NRG3: variants seen among roughly 807,000 people sequenced by gnomAD.
The protein encoded by NRG3 is neuregulin 3.
Under a neutral mutation model 66.9 loss-of-function variants are expected in NRG3, and 31 were observed. The observed-to-expected ratio is 0.46, with a 90% CI of 0.35 to 0.63. The LOEUF is 0.63. NRG3 is among the 20% of genes least tolerant of loss of function. The pLI is 0.00. For synonymous variants in NRG3, 393 were observed against 359.4 expected, an observed-to-expected ratio of 1.09 and a Z score of -1.06; for missense variants, 910 against 878.9, an observed-to-expected ratio of 1.04 and a Z score of -0.45.
chr10:82,656,524 CT>C (rs2051877615), intron 2 of NRG3, among the ~76,000 whole-genome samples: 1 of 151,978 alleles, frequency 6.6e-6, no homozygotes, highest in Non-Finnish European at 1.5e-5. Context: ...TTTACATATC[CT>C]TTCCTTTTCC....
At chr10:82,781,795 A>C (rs2060127346) in intron 3 of NRG3, among the ~76,000 whole-genome samples, 1 of 152,078 alleles carries the variant, frequency 6.6e-6, no homozygotes, top group Non-Finnish European at 1.5e-5. Flanking sequence ...AAGAGTGTGT[A>C]GTAGTCAATA....
chr10:82,859,472 G>C (rs913304633), intron 3 of NRG3, among the ~76,000 whole-genome samples: 1 of 152,124 alleles, frequency 6.6e-6, no homozygotes, highest in African/African-American at 2.4e-5. Flanking sequence ...ACAAGTTAAA[G>C]GTGGCATCCT....
intron 4 of NRG3, among the ~76,000 whole-genome samples, chr10:82,912,050 G>T (rs1337964618): frequency 1.3e-5 from 2 of 151,952 alleles, no homozygotes; most frequent in African/African-American, 4.8e-5. Context: ...TACTTTGTAT[G>T]ATTTATATAA....
intron 2 of NRG3, among the ~76,000 whole-genome samples, chr10:82,517,024 A>T (rs553086087): frequency 9.0e-4 from 137 of 152,272 alleles, no homozygotes; most frequent in East Asian, 3.7e-3. Context: ...TAATTTTTTT[A>T]AAAAAATGGG....
chr10:82,860,522 G>T (rs1564575604), intron 3 of NRG3, among the ~76,000 whole-genome samples: 1 of 152,166 alleles, frequency 6.6e-6, no homozygotes. Context: ...GAGAAAGTTA[G>T]TTCCCCTCTC....
At chr10:82,918,756 C>T (rs492203) in intron 4 of NRG3, among the ~76,000 whole-genome samples, 97,262 of 152,064 alleles carry the variant, frequency 0.64, 31,340 homozygotes, top group East Asian at 0.75. Context: ...GGGATTCCTT[C>T]CCATGATTAC....
At chr10:81,877,115 T>C (rs1249899710) in intron 1 of NRG3, among the ~76,000 whole-genome samples, 1 of 152,206 alleles carries the variant, frequency 6.6e-6, no homozygotes, top group Non-Finnish European at 1.5e-5. Context: ...CAACCTGGGC[T>C]CAGTATGAGC....
intron 4 of NRG3, among the ~76,000 whole-genome samples, chr10:82,919,605 A>T (rs943041179): frequency 6.6e-6 from 1 of 152,144 alleles, no homozygotes; most frequent in East Asian, 1.9e-4. Context: ...CTAGGAAAAA[A>T]CAGTGTCTGG....
intron 2 of NRG3, among the ~76,000 whole-genome samples, chr10:82,463,345 A>G (rs78631392): frequency 0.046 from 6,980 of 152,238 alleles, 346 homozygotes; most frequent in East Asian, 0.17. Context: ...TGGCTGAAGC[A>G]TTAGTCAAGA....
At chr10:81,977,893 T>C (rs2060185212) in intron 1 of NRG3, among the ~76,000 whole-genome samples, 1 of 152,186 alleles carries the variant, frequency 6.6e-6, no homozygotes, top group African/African-American at 2.4e-5. Flanking sequence ...TTTTACTTTT[T>C]ATTTTTTATT....
At chr10:82,181,353 T>C (rs2073404744) in intron 1 of NRG3, among the ~76,000 whole-genome samples, 1 of 151,752 alleles carries the variant, frequency 6.6e-6, no homozygotes, top group African/African-American at 2.4e-5. Flanking sequence ...ATTTGAGATC[T>C]TTCTCCTTTT....
At chr10:82,292,429 C>T (rs769409102) in intron 1 of NRG3, among the ~76,000 whole-genome samples, 2 of 152,176 alleles carry the variant, frequency 1.3e-5, no homozygotes, top group Non-Finnish European at 2.9e-5. Context: ...TTGCCAATTT[C>T]TTTAAAAAAA....
chr10:82,576,594 C>A (rs535293427), intron 2 of NRG3, among the ~76,000 whole-genome samples: 20 of 151,850 alleles, frequency 1.3e-4, no homozygotes, highest in African/African-American at 2.2e-4. Context: ...ATGCTTATAA[C>A]TTAATTTATT....
chr10:82,677,372 T>G (rs1459417752), intron 2 of NRG3, among the ~76,000 whole-genome samples: 1 of 152,058 alleles, frequency 6.6e-6, no homozygotes, highest in East Asian at 1.9e-4. Context: ...TTACATGGGG[T>G]GGTTGAAAGT....
chr10:82,820,615 C>T (rs549640325), intron 3 of NRG3, among the ~76,000 whole-genome samples: 6 of 152,310 alleles, frequency 3.9e-5, no homozygotes, highest in African/African-American at 1.4e-4. Flanking sequence ...CCATTTAAAT[C>T]AAAGCCCTTT....
In NRG3 at chr10:82,232,077, G is replaced by A. The variant is rs150190900; in HGVS notation, c.824-126662G>A. ...GCAAATTACTATGGTAGGTCTCTCA[G>A]TTTTGCAAAGAATCAGATGTTCAGT... On this transcript the variant is annotated intron_variant, in intron 1 of 8. Coordinates refer to ENST00000372141, the MANE Select transcript of NRG3 (RefSeq NM_001010848.4). Among the ~76,000 whole-genome samples the A allele has an allele frequency of 8.3e-3, 1,258 of 152,238 alleles. 21 individuals carry two copies. The highest frequency in any genetic ancestry group is 0.029 in the African/African-American group (1,190 of 41,524).
chr10:82,123,323 T>C lies in NRG3; in HGVS notation c.824-235416T>C, dbSNP rs543612921. On this transcript the variant is annotated intron_variant, in intron 1 of 8. Coordinates refer to ENST00000372141, the MANE Select transcript of NRG3 (RefSeq NM_001010848.4). Reference sequence around the variant, plus strand: ...TGACCTCCAAAATAGAATGCCTTGTTCTTGATACTCATTTTTTCGTTTAAT... The same window carrying C: ...TGACCTCCAAAATAGAATGCCTTGTCCTTGATACTCATTTTTTCGTTTAAT... Among the ~76,000 whole-genome samples, 66 of 152,314 alleles carry C rather than the reference T, an allele frequency of 4.3e-4. 1 individual carries two copies. The highest frequency in any genetic ancestry group is 1.3e-4 in the Admixed American group (2 of 15,280).
intron 2 of NRG3, among the ~76,000 whole-genome samples, chr10:82,388,127 A>G (rs967587555): frequency 1.3e-5 from 2 of 152,174 alleles, no homozygotes; most frequent in African/African-American, 4.8e-5. Context: ...ACAATTACTC[A>G]TCACTTCACT....
intron 1 of NRG3, among the ~76,000 whole-genome samples, chr10:82,348,191 TGCAGCA>T (rs1190773510): frequency 6.6e-6 from 1 of 152,214 alleles, no homozygotes; most frequent in East Asian, 1.9e-4. Flanking sequence ...GGCATGATTT[TGCAGCA>T]GCTGGTACCT....
Sources: allele counts gnomAD v4.1 joint callset (sites outside exome capture counted in the v4.1 genomes callset), GRCh38; gene constraint gnomAD v4.1.1; transcripts MANE v1.5; gene names NCBI Gene and HGNC (gene_info 2026-07-23, HGNC 2026-07-21).